ARHGAP42: variants seen among roughly 807,000 people sequenced by gnomAD.
The protein encoded by ARHGAP42 is rho GTPase-activating protein 42.
Under a neutral mutation model 125.0 loss-of-function variants are expected in ARHGAP42, and 63 were observed. The ratio of observed to expected loss-of-function variants is 0.50; its 90% CI spans 0.41 to 0.62. The LOEUF is 0.62. Ranked by LOEUF, ARHGAP42 falls within the 20% of genes least tolerant of loss-of-function variation. ARHGAP42 has a pLI of 0.00. For missense variants in ARHGAP42, 766 were observed against 1,024.2 expected, an observed-to-expected ratio of 0.75 and a Z score of 3.44; for synonymous variants, 339 against 351.0, an observed-to-expected ratio of 0.97 and a Z score of 0.38.
At chr11:100,976,555 A>G (rs1858396902) in intron 20 of ARHGAP42, 118 bp downstream of exon 20, 14 of 1,373,726 alleles carry the variant, frequency 1.0e-5, no homozygotes, top group South Asian at 4.7e-5. Flanking sequence ...ATGCTTATCT[A>G]CTTTTTTCCT....
At chr11:100,947,957 T>C (rs1018156514) in intron 10 of ARHGAP42, among the ~76,000 whole-genome samples, 1 of 152,058 alleles carries the variant, frequency 6.6e-6, no homozygotes, top group African/African-American at 2.4e-5. Flanking sequence ...TTCATTTCAA[T>C]ATTGTCATCA....
intron 4 of ARHGAP42, among the ~76,000 whole-genome samples, chr11:100,909,569 C>T (rs1360815489): frequency 2.0e-5 from 3 of 152,114 alleles, no homozygotes; most frequent in Non-Finnish European, 4.4e-5. Flanking sequence ...GTCTCGAACT[C>T]CTGACCTCGG....
chr11:100,925,602 G>A lies in ARHGAP42; in HGVS notation c.597+3998G>A, dbSNP rs1486229906. Among the ~76,000 whole-genome samples, 28 of 151,532 alleles carry A rather than the reference G, an allele frequency of 1.8e-4. No individual in the cohort carries two copies. The South Asian group carries it at 5.4e-3, about 29-fold the overall frequency. ...AAAATACAAAAATTAGCCAGGCGTG[G>A]TGGTGGGTGCCTGTAATCCCAGCTA... is the stretch of plus-strand genomic sequence containing the variant. On this transcript the variant is annotated intron_variant, in intron 6 of 23. Transcript: ENST00000298815.
intron 1 of ARHGAP42, among the ~76,000 whole-genome samples, chr11:100,735,858 C>T (rs1862056694): frequency 6.6e-6 from 1 of 152,096 alleles, no homozygotes; most frequent in Admixed American, 6.5e-5. Context: ...TCAGGCCATC[C>T]ACCCGCCTCA....
At chr11:100,805,819 A>G (rs1316905106) in intron 3 of ARHGAP42, among the ~76,000 whole-genome samples, 1 of 152,220 alleles carries the variant, frequency 6.6e-6, no homozygotes, top group Non-Finnish European at 1.5e-5. Flanking sequence ...ATGCTAATGC[A>G]TTATAATTAA....
intron 3 of ARHGAP42, among the ~76,000 whole-genome samples, chr11:100,809,082 C>T (rs764510777): frequency 1.3e-5 from 2 of 152,164 alleles, no homozygotes; most frequent in African/African-American, 2.4e-5. Flanking sequence ...GAATCACAAA[C>T]TCTAAGGCCT....
chr11:100,812,669 G>A (rs1359741909), intron 3 of ARHGAP42, among the ~76,000 whole-genome samples: 1 of 152,174 alleles, frequency 6.6e-6, no homozygotes, highest in African/African-American at 2.4e-5. Flanking sequence ...AGGTTGCCCA[G>A]ACAGCTTTAC....
chr11:100,872,119 G>A (rs1865711352), intron 4 of ARHGAP42, among the ~76,000 whole-genome samples: 1 of 152,098 alleles, frequency 6.6e-6, no homozygotes, highest in East Asian at 1.9e-4. Context: ...CTATTTTTCA[G>A]TGTTCTTGTT....
chr11:100,819,932 T>C (rs1024682460), intron 3 of ARHGAP42, among the ~76,000 whole-genome samples: 2 of 152,212 alleles, frequency 1.3e-5, no homozygotes, highest in African/African-American at 4.8e-5. Context: ...TTTTTCATCA[T>C]TGGCATTTCC....
intron 3 of ARHGAP42, among the ~76,000 whole-genome samples, chr11:100,824,497 C>T (rs1339598167): frequency 1.3e-5 from 2 of 152,102 alleles, no homozygotes; most frequent in Admixed American, 6.6e-5. Context: ...ATTGCACTAG[C>T]TTCTACACTG....
intron 4 of ARHGAP42, among the ~76,000 whole-genome samples, chr11:100,892,337 C>G (rs182245294): frequency 4.6e-5 from 7 of 152,096 alleles, no homozygotes; most frequent in Admixed American, 3.3e-4. Flanking sequence ...ATAGAGAAGT[C>G]TGTTGTTCTG....
At chr11:100,872,193 T>C (rs553964404) in intron 4 of ARHGAP42, among the ~76,000 whole-genome samples, 1 of 152,234 alleles carries the variant, frequency 6.6e-6, no homozygotes, top group Non-Finnish European at 1.5e-5. Context: ...ATAGCATTTT[T>C]AAAAATAGTG....
intron 1 of ARHGAP42, among the ~76,000 whole-genome samples, chr11:100,695,912 T>G (rs552492923): frequency 6.6e-6 from 1 of 152,240 alleles, no homozygotes; most frequent in African/African-American, 2.4e-5. Flanking sequence ...ACATGGAATA[T>G]AGTGGGAAAA....
chr11:100,809,751 T>G (rs1864091707), intron 3 of ARHGAP42, among the ~76,000 whole-genome samples: 1 of 152,136 alleles, frequency 6.6e-6, no homozygotes, highest in Non-Finnish European at 1.5e-5. Context: ...GCCCAGAAGT[T>G]TGAGACCAGC....
At chr11:100,814,897 T>C (rs1240198137) in intron 3 of ARHGAP42, among the ~76,000 whole-genome samples, 3 of 152,196 alleles carry the variant, frequency 2.0e-5, no homozygotes, top group Non-Finnish European at 2.9e-5. Context: ...TGTACAGATA[T>C]GTAGGAGCCT....
Position 100,937,515 on chromosome 11 carries a change from T to G in ARHGAP42, c.832+1183T>G, listed in dbSNP as rs17095833. 7.3e-3 allele frequency among the ~76,000 whole-genome samples: 1,108 copies of G among 152,304 alleles called. 18 individuals carry two copies. The highest frequency in any genetic ancestry group is 0.025 in the African/African-American group (1,034 of 41,564). On this transcript the variant is annotated intron_variant, in intron 8 of 23. Transcript: ENST00000298815. The stretch of plus-strand genomic sequence containing the variant: ...ATGATTTTGTACAGGTTTGAGAGCC[T>G]TCATGTGACAGTACATTGAGAGGAG...
intron 4 of ARHGAP42, among the ~76,000 whole-genome samples, chr11:100,894,166 A>G (rs927704722): frequency 2.6e-5 from 4 of 152,248 alleles, no homozygotes; most frequent in Non-Finnish European, 5.9e-5. Context: ...AAGAAATATC[A>G]GAATGTATTC....
At chr11:100,698,800 T>G (rs1327860381) in intron 1 of ARHGAP42, among the ~76,000 whole-genome samples, 1 of 152,104 alleles carries the variant, frequency 6.6e-6, no homozygotes, top group African/African-American at 2.4e-5. Flanking sequence ...CGAGGTGCCT[T>G]TTTTAGAGGC....
At chr11:100,966,744 A>G (rs532174950) in intron 17 of ARHGAP42, among the ~76,000 whole-genome samples, 4 of 152,230 alleles carry the variant, frequency 2.6e-5, no homozygotes, top group Non-Finnish European at 4.4e-5. Flanking sequence ...CTATCTTTCT[A>G]TAATTTGAAA....
Sources: allele counts gnomAD v4.1 joint callset (sites outside exome capture counted in the v4.1 genomes callset), GRCh38; gene constraint gnomAD v4.1.1; transcripts MANE v1.5; gene names NCBI Gene and HGNC (gene_info 2026-07-23, HGNC 2026-07-21).